Variants in GSTO2 observed in about 807,000 individuals in gnomAD.
GSTO2 encodes glutathione S-transferase omega 2, also known as glutathione S-transferase omega-2.
A neutral mutation model predicts 28.4 loss-of-function variants in GSTO2; 23 were observed. That is an observed-to-expected ratio of 0.81 (90% CI 0.58 to 1.15). The LOEUF (loss-of-function observed/expected upper bound fraction) is 1.15, where lower values mean the gene tolerates loss of function less well. GSTO2 is among the 50% of genes most tolerant of loss of function. The pLI is 0.00. For synonymous variants in GSTO2, 109 were observed against 111.0 expected (o/e 0.98, Z 0.11); for missense variants, 298 against 297.8 (o/e 1.00, Z 0.00).
rs959050651 is a variant in GSTO2, at chr10:104,279,595, C to G, written c.468+124C>G. The G allele has an allele frequency of 1.4e-4, 92 of 636,344 alleles. 2 individuals carry two copies. Among genetic ancestry groups the G allele is most frequent in the Non-Finnish European group, 3.6e-5 (13 of 360,074 alleles). The allele number at this position is 636,344 out of a possible 1,614,324, so 39.4% of individuals were successfully genotyped here. ...TTTCTGCCTTTGATAAGTCAGACTT[C>G]TGATCATCTGATTGCATGTTTGCCC... On this transcript the variant is annotated intron_variant, in intron 5 of 6. Transcript: ENST00000338595.
chr10:104,275,804 C>T (rs1257996034), intron 3 of GSTO2, among the ~76,000 whole-genome samples: 1 of 152,196 alleles, frequency 6.6e-6, no homozygotes, highest in African/African-American at 2.4e-5. Flanking sequence ...AGGGTAGGAA[C>T]TCTGTCTCTT....
chr10:104,290,278 A>G (rs1045968951), intron 5 of GSTO2, among the ~76,000 whole-genome samples: 3 of 152,146 alleles, frequency 2.0e-5, no homozygotes, highest in African/African-American at 7.2e-5. Flanking sequence ...GGCCAAGGCT[A>G]GCGGATCACT....
Position 104,279,470 on chromosome 10 carries a change from A to G in GSTO2, c.467A>G (p.Glu156Gly). ...CGTCAGGAATTCAGCAACCTGGAAGAGGTACAAAAAGGGGTCCCTCTCCTG... is the reference window on the plus strand; with the variant it reads ...CGTCAGGAATTCAGCAACCTGGAAGGGGTACAAAAAGGGGTCCCTCTCCTG... ...ALRQEFSNLE[E>G]ILEYQNTTFF... The change falls in exon 5 of 7, where the codon GAG becomes GGG. Residue 156 changes from glutamate (E) to glycine (G), a missense_variant and splice_region_variant. Glu to Gly is a moderately conservative substitution (Grantham distance 98, BLOSUM62 -2). Coordinates refer to ENST00000338595, the MANE Select transcript of GSTO2 (RefSeq NM_183239.2). 6.2e-7 allele frequency: 1 copy of G among 1,607,878 alleles called. No homozygotes were observed.
intron 3 of GSTO2, among the ~76,000 whole-genome samples, chr10:104,276,050 T>C (rs931618983): frequency 3.3e-5 from 5 of 152,154 alleles, no homozygotes; most frequent in African/African-American, 1.2e-4. Context: ...TTTGCTGGGA[T>C]GTGGACTGCA....
rs914544906 is a variant in GSTO2, at chr10:104,304,496, T to A, written c.*5212T>A. 9 of 152,230 alleles carry A rather than the reference T, an allele frequency of 5.9e-5. No individual in the cohort carries two copies. Among genetic ancestry groups the A allele is most frequent in the Non-Finnish European group, 1.2e-4 (8 of 68,040 alleles). The allele number at this position is 152,230 out of a possible 1,614,324, so 9.4% of individuals were successfully genotyped here. A position where few individuals can be genotyped will look rare whatever the true frequency, so the allele number is the denominator to read the frequency against. On this transcript the variant is annotated 3_prime_UTR_variant, in exon 7 of 7. Coordinates refer to ENST00000338595, the MANE Select transcript of GSTO2 (RefSeq NM_183239.2). ...TCAAATTCCGACTTTGCAACTTAAC[T>A]TTCTTGAGTAAGTTGCTACACCTCT...
chr10:104,302,686 G>C lies in GSTO2; in HGVS notation c.*3402G>C, dbSNP rs919833174. On this transcript the variant is annotated 3_prime_UTR_variant, in exon 7 of 7. Transcript: ENST00000338595. ...GGTGGGAGGTGATTGGATCATGGGG[G>C]TAGATTTCTCATGAATGGTTTAGCA... is the stretch of plus-strand genomic sequence containing the variant. 4 of 152,238 alleles carry C rather than the reference G, an allele frequency of 2.6e-5. No homozygotes were observed. The highest frequency in any genetic ancestry group is 2.6e-4 in the Admixed American group (4 of 15,290). The allele number at this position is 152,238 out of a possible 1,614,324, so 9.4% of individuals were successfully genotyped here.
chr10:104,276,594 C>G (rs537329994), intron 3 of GSTO2, among the ~76,000 whole-genome samples: 29 of 152,276 alleles, frequency 1.9e-4, no homozygotes, highest in Admixed American at 1.4e-3. Context: ...GTGATATGTC[C>G]CTTGGGAAGG....
chr10:104,299,377 C>A lies in GSTO2; in HGVS notation c.*93C>A. The A allele has an allele frequency of 4.3e-6, 6 of 1,403,676 alleles. No individual in the cohort carries two copies. The highest frequency in any genetic ancestry group is 1.5e-5 in the African/African-American group (1 of 67,714). 87.0% of individuals were successfully genotyped at this position (1,403,676 alleles called of 1,614,324 possible). On this transcript the variant is annotated 3_prime_UTR_variant, in exon 7 of 7. Coordinates refer to ENST00000338595, the MANE Select transcript of GSTO2 (RefSeq NM_183239.2). ...CTTGGGAACCAATCCGTCTCTCTTT[C>A]TTTTCTTTGAAGTTCCCAATAAAAT...
intron 4 of GSTO2, 147 bp from the exon 5 acceptor site, chr10:104,279,223 C>G (rs1287502238): frequency 1.6e-6 from 1 of 606,608 alleles, no homozygotes; most frequent in African/African-American, 1.9e-5. Flanking sequence ...CAGAGAAAAC[C>G]TAGTGCCTCT....
intron 6 of GSTO2, 106 bp from the exon 7 acceptor site, chr10:104,299,022 C>T (rs999021834): frequency 1.2e-5 from 13 of 1,041,782 alleles, no homozygotes; most frequent in Non-Finnish European, 1.6e-5. Context: ...AGATAACTTC[C>T]CAAATAAACT....
At chr10:104,297,074 C>T (rs144958423) in intron 5 of GSTO2, 1,608 of 152,654 alleles carry the variant, frequency 0.011, 19 homozygotes, top group African/African-American at 0.037. Flanking sequence ...CCACCAGGCC[C>T]GGCAGCATCC....
rs963690333 is a variant in GSTO2 at position 104,302,665 on chromosome 10, G to A, written c.*3381G>A. 1 of 152,230 alleles carries A rather than the reference G, an allele frequency of 6.6e-6. No homozygotes were observed. The highest frequency in any genetic ancestry group is 1.5e-5 in the Non-Finnish European group (1 of 68,062). 9.4% of individuals were successfully genotyped at this position (152,230 alleles called of 1,614,324 possible). The stretch of plus-strand genomic sequence containing the variant: ...TGAAATGTAATCCCCAATGCTGGTG[G>A]GAGGTGATTGGATCATGGGGGTAGA... On this transcript the variant is annotated 3_prime_UTR_variant, in exon 7 of 7. Transcript: ENST00000338595.
chr10:104,283,288 C>G (rs1163264873), intron 5 of GSTO2, among the ~76,000 whole-genome samples: 1 of 152,196 alleles, frequency 6.6e-6, no homozygotes, highest in Non-Finnish European at 1.5e-5. Flanking sequence ...CCACATTGTC[C>G]TAACAGGTTT....
intron 3 of GSTO2, among the ~76,000 whole-genome samples, 179 bp from the exon 4 acceptor site, chr10:104,277,715 G>A (rs945888311): frequency 3.3e-4 from 50 of 152,170 alleles, no homozygotes; most frequent in Admixed American, 2.0e-4. Context: ...GAAAACATCC[G>A]ACACATCTTA....
chr10:104,270,015 CT>C lies in GSTO2; in HGVS notation c.-232+762del, dbSNP rs762585008. On this transcript the variant is annotated intron_variant, in intron 1 of 6. Coordinates refer to ENST00000338595, the MANE Select transcript of GSTO2 (RefSeq NM_183239.2). ...AGCTCTGACAGAGGATAGTATCTAC[CT>C]TTTTTTTTTTTTTTTGAGACGGAGT... Among the ~76,000 whole-genome samples the C allele has an allele frequency of 9.2e-3, 1,299 of 141,660 alleles. 8 individuals are homozygous for C. Among genetic ancestry groups the C allele is most frequent in the African/African-American group, 0.018 (694 of 38,434 alleles). 92.9% of individuals were successfully genotyped at this position (141,660 alleles called of 152,430 possible). A position where few individuals can be genotyped will look rare whatever the true frequency, so the allele number is the denominator to read the frequency against.
chr10:104,293,908 G>A (rs932459770), intron 5 of GSTO2, among the ~76,000 whole-genome samples: 2 of 152,152 alleles, frequency 1.3e-5, no homozygotes, highest in African/African-American at 4.8e-5. Context: ...TGTGATATGC[G>A]TGTTAGTTCC....
Position 104,275,288 on chromosome 10 carries a change from C to G in GSTO2, c.97C>G (p.Pro33Ala). 2 of 1,614,096 alleles carry G rather than the reference C, an allele frequency of 1.2e-6. No homozygotes were observed. Among genetic ancestry groups the G allele is most frequent in the African/African-American group, 1.3e-5 (1 of 75,024 alleles). Residue 33 changes from proline (P) to alanine (A), a missense_variant, in exon 3 of 7, where the codon CCC becomes GCC. Transcript: ENST00000338595. ...CCGCATCTACAGCATGAGGTTCTGC[C>G]CCTATTCTCACAGGACCCGCCTCGT... is the stretch of plus-strand genomic sequence containing the variant. ...LIRIYSMRFC[P>A]YSHRTRLVLK...
At chr10:104,273,156 A>G (rs538605124) in intron 1 of GSTO2, among the ~76,000 whole-genome samples, 3 of 152,152 alleles carry the variant, frequency 2.0e-5, no homozygotes, top group Admixed American at 2.0e-4. Context: ...TCTTGCTTCT[A>G]TTTTACCATC....
intron 5 of GSTO2, chr10:104,291,470 C>G (rs1307310679): frequency 1.9e-4 from 28 of 151,266 alleles, no homozygotes; most frequent in Admixed American, 1.8e-3. Flanking sequence ...GATCTTGCTT[C>G]TCTCGCGAAA....
Sources: allele counts gnomAD v4.1 joint callset (sites outside exome capture counted in the v4.1 genomes callset), GRCh38; gene constraint gnomAD v4.1.1; transcripts MANE v1.5; gene names NCBI Gene and HGNC (gene_info 2026-07-23, HGNC 2026-07-21).